Variants in ABI3BP observed in about 807,000 individuals in gnomAD.
ABI3BP encodes the protein target of Nesh-SH3.
In ABI3BP, 216 loss-of-function variants were observed where a neutral mutation model predicts 268.6. That is an observed-to-expected ratio of 0.80 (90% CI 0.72 to 0.90). The LOEUF is 0.90. Ranked by LOEUF, ABI3BP falls within the 40% of genes least tolerant of loss-of-function variation. The pLI is 0.00. For synonymous variants in ABI3BP, 730 were observed against 730.0 expected (o/e 1.00, Z 0.00); for missense variants, 2,090 against 2,182.4 (o/e 0.96, Z 0.84).
chr3:100,974,857 C>A (rs1300689192), intron 1 of ABI3BP, among the ~76,000 whole-genome samples: 1 of 152,104 alleles, frequency 6.6e-6, no homozygotes, highest in African/African-American at 2.4e-5. Context: ...AAATAAGTCA[C>A]GGTTAGCTTT....
At position 100,964,463 on chromosome 3, in the gene ABI3BP, G is replaced by A. The variant is rs78256470; in HGVS notation, c.79+28843C>T. Among the ~76,000 whole-genome samples the A allele has an allele frequency of 6.3e-3, 965 of 152,244 alleles. 8 individuals are homozygous for A. The highest frequency in any genetic ancestry group is 0.02 in the African/African-American group (831 of 41,542). ...AGAGACCTCTCTCTCTATGGAGAGC[G>A]CTGTTGTTCTTTTTCTTCTCTTCTG... is the stretch of plus-strand genomic sequence containing the variant. On this transcript the variant is annotated intron_variant, in intron 1 of 67. Transcript: ENST00000471714.
intron 1 of ABI3BP, among the ~76,000 whole-genome samples, chr3:100,935,930 C>A (rs1419098060): frequency 6.6e-6 from 1 of 152,174 alleles, no homozygotes; most frequent in Non-Finnish European, 1.5e-5. Context: ...CAAACAGAGA[C>A]AATTTGACTT....
intron 1 of ABI3BP, among the ~76,000 whole-genome samples, chr3:100,970,466 T>C (rs9844950): frequency 0.12 from 17,792 of 152,264 alleles, 1,197 homozygotes; most frequent in Middle Eastern, 0.2. Flanking sequence ...ATGTGACGTA[T>C]AGAGACATAT....
intron 38 of ABI3BP, among the ~76,000 whole-genome samples, chr3:100,821,468 A>G (rs966781922): frequency 4.6e-5 from 7 of 152,158 alleles, no homozygotes; most frequent in African/African-American, 1.7e-4. Context: ...TTCATGTGGA[A>G]AGAACAGCTT....
At chr3:100,945,775 C>A (rs1406738672) in intron 1 of ABI3BP, 1 of 305,248 alleles carries the variant, frequency 3.3e-6, no homozygotes, top group African/African-American at 2.2e-5. Flanking sequence ...AATAGTGCTG[C>A]TATAAAATTT....
At chr3:100,906,061 A>G (rs1409968165) in intron 2 of ABI3BP, among the ~76,000 whole-genome samples, 3 of 152,192 alleles carry the variant, frequency 2.0e-5, no homozygotes, top group Non-Finnish European at 4.4e-5. Context: ...TCACTTTTAG[A>G]AAACAAAACC....
chr3:100,987,078 T>A (rs1409248812), intron 1 of ABI3BP, among the ~76,000 whole-genome samples: 1 of 152,212 alleles, frequency 6.6e-6, no homozygotes, highest in Non-Finnish European at 1.5e-5. Flanking sequence ...AATTTTATGT[T>A]TATTCTGAGA....
chr3:100,905,892 C>CA (rs1272699655), intron 2 of ABI3BP, among the ~76,000 whole-genome samples: 8 of 151,950 alleles, frequency 5.3e-5, no homozygotes, highest in African/African-American at 1.9e-4. Flanking sequence ...GGAGAAACCA[C>CA]AAAAAGGAAA....
intron 11 of ABI3BP, 122 bp downstream of exon 11, chr3:100,864,711 G>A: frequency 1.4e-6 from 1 of 701,100 alleles, no homozygotes; most frequent in Non-Finnish European, 2.4e-6. Flanking sequence ...AGGAAGGAAG[G>A]AAAAGGAGAA....
Position 100,876,534 on chromosome 3 carries a change from G to T in ABI3BP, c.723C>A (p.Ile241=). 1 of 1,613,470 alleles carries T rather than the reference G, an allele frequency of 6.2e-7. No individual in the cohort carries two copies. Among genetic ancestry groups the T allele is most frequent in the South Asian group, 1.1e-5 (1 of 91,030 alleles). ...TACCTTGCTTGATGATTGTTATTGGGATTAGTTTCCTTGGGACATATGCTG... is the reference window on the plus strand; with the variant it reads ...TACCTTGCTTGATGATTGTTATTGGTATTAGTTTCCTTGGGACATATGCTG... ...TVPAYVPRKL[I]PITIIKQVIQ... is the part of the protein sequence containing the mutation. The change falls in exon 7 of 68, where the codon ATC becomes ATA. Residue 241 remains isoleucine (I), a synonymous_variant. Transcript: ENST00000471714.
Position 100,848,808 on chromosome 3 carries a change from G to T in ABI3BP, c.1569C>A (p.Thr523=). The T allele has an allele frequency of 6.2e-7, 1 of 1,612,132 alleles. No homozygotes were observed. The highest frequency in any genetic ancestry group is 1.1e-5 in the South Asian group (1 of 91,032). The change falls in exon 18 of 68, where the codon ACC becomes ACA. Residue 523 remains threonine, a synonymous_variant. Transcript: ENST00000471714. ...ATATAAAGAGACATTTACCAGGTTT[G>T]GTTCTTGGCGGTTTGGGCCGGGGGC... ...KRRPRPKPPR[T]KPERTTSAGT... is the part of the protein sequence containing the mutation.
chr3:100,926,248 A>AC (rs1192569068), intron 2 of ABI3BP, 54 bp downstream of exon 2: 70 of 1,564,828 alleles, frequency 4.5e-5, no homozygotes, highest in African/African-American at 2.0e-4. Context: ...GTCATGTTAC[A>AC]CCCCCCCACC....
intron 65 of ABI3BP, among the ~76,000 whole-genome samples, chr3:100,753,527 A>G (rs1352223471): frequency 4.6e-5 from 7 of 152,178 alleles, no homozygotes; most frequent in South Asian, 4.2e-4. Flanking sequence ...CCTGGGCTCA[A>G]GCAATCCTCC....
chr3:100,845,871 A>T (rs1162739337), intron 20 of ABI3BP, among the ~76,000 whole-genome samples: 1 of 150,776 alleles, frequency 6.6e-6, no homozygotes, highest in Admixed American at 6.6e-5. Flanking sequence ...AAAGGAAAAC[A>T]CCACTAAAAA....
At chr3:100,758,433 A>G (rs1350094339) in intron 63 of ABI3BP, among the ~76,000 whole-genome samples, 1 of 152,084 alleles carries the variant, frequency 6.6e-6, no homozygotes, top group Non-Finnish European at 1.5e-5. Context: ...TCTCTAGATA[A>G]TTTTTTTTAA....
At chr3:100,937,940 A>G (rs968979142) in intron 1 of ABI3BP, among the ~76,000 whole-genome samples, 3 of 152,102 alleles carry the variant, frequency 2.0e-5, no homozygotes, top group Non-Finnish European at 4.4e-5. Flanking sequence ...TTAAACTTTA[A>G]CACTAAGATA....
chr3:100,910,761 G>T (rs951083345), intron 2 of ABI3BP, among the ~76,000 whole-genome samples: 21 of 152,110 alleles, frequency 1.4e-4, no homozygotes, highest in Admixed American at 9.8e-4. Flanking sequence ...TGAAATAAAA[G>T]CATCTGATGT....
At chr3:100,810,779 T>C (rs973609087) in intron 48 of ABI3BP, among the ~76,000 whole-genome samples, 5 of 152,124 alleles carry the variant, frequency 3.3e-5, no homozygotes, top group African/African-American at 1.2e-4. Flanking sequence ...AATATTATAG[T>C]ATGAGTCATT....
intron 29 of ABI3BP, among the ~76,000 whole-genome samples, chr3:100,834,056 G>T (rs966355625): frequency 2.0e-5 from 3 of 152,014 alleles, no homozygotes; most frequent in African/African-American, 4.8e-5. Flanking sequence ...CTGCAGTCTC[G>T]ACTTCCTGGG....
Sources: gnomAD v4.1 joint callset for allele counts (sites outside exome capture counted in the v4.1 genomes callset) on GRCh38, gnomAD v4.1.1 for gene constraint, MANE v1.5 for transcripts, NCBI Gene and HGNC (gene_info 2026-07-23, HGNC 2026-07-21) for gene names.